The following SRFBP1 variants were observed in gnomAD, a reference collection of about 807,000 sequenced individuals.
The protein encoded by SRFBP1 is serum response factor-binding protein 1.
Under a neutral mutation model 45.5 loss-of-function variants are expected in SRFBP1, and 47 were observed. The ratio of observed to expected loss-of-function variants is 1.03; its 90% confidence interval spans 0.82 to 1.32. The LOEUF (loss-of-function observed/expected upper bound fraction) is 1.32, where lower values mean the gene tolerates loss of function less well. SRFBP1 is among the 40% of genes most tolerant of loss of function. The probability of loss-of-function intolerance (pLI) is 0.00; values close to 1 mark genes in which losing one functional copy is unlikely to be tolerated. For missense variants in SRFBP1, 621 were observed against 484.6 expected, an observed-to-expected ratio of 1.28 and a Z score of -2.64; for synonymous variants, 203 against 166.3, an observed-to-expected ratio of 1.22 and a Z score of -1.70.
At chr5:122,054,842 G>A (rs1360340171) in intron 2 of SRFBP1, among the ~76,000 whole-genome samples, 1 of 152,064 alleles carries the variant, frequency 6.6e-6, no homozygotes, top group Non-Finnish European at 1.5e-5. Context: ...TGAAGAAATA[G>A]AACACACCTT....
At chr5:122,011,860 T>G (rs561873052) in intron 4 of SRFBP1, among the ~76,000 whole-genome samples, 2 of 152,204 alleles carry the variant, frequency 1.3e-5, no homozygotes, top group East Asian at 3.9e-4. Context: ...GGTGCAAATA[T>G]TATCTCAGTG....
chr5:122,028,137 C>G lies in SRFBP1; in HGVS notation c.*1011C>G, dbSNP rs1753526436. 1 of 152,146 alleles carries G rather than the reference C, an allele frequency of 6.6e-6. No homozygotes were observed. Among genetic ancestry groups the G allele is most frequent in the Non-Finnish European group, 1.5e-5 (1 of 68,032 alleles). The allele number at this position is 152,146 out of a possible 1,614,324, so 9.4% of individuals were successfully genotyped here. A position where few individuals can be genotyped will look rare whatever the true frequency, so the allele number is the denominator to read the frequency against. On this transcript the variant is annotated 3_prime_UTR_variant, in exon 8 of 8. Coordinates refer to ENST00000339397, the MANE Select transcript of SRFBP1 (RefSeq NM_152546.3). ...AAAAGGAAAACAGAAATTTTTAAAT[C>G]CCTTCAAATGTTTCACTTTTGCTAT...
chr5:122,073,732 A>G (rs1003498712), intron 2 of SRFBP1, among the ~76,000 whole-genome samples: 4 of 152,196 alleles, frequency 2.6e-5, no homozygotes, highest in South Asian at 4.1e-4. Context: ...AAATACTTCA[A>G]AAGTAATTTG....
At chr5:122,042,831 A>G (rs1753793431) in intron 2 of SRFBP1, among the ~76,000 whole-genome samples, 1 of 152,162 alleles carries the variant, frequency 6.6e-6, no homozygotes, top group Non-Finnish European at 1.5e-5. Flanking sequence ...TTCTTTTGGT[A>G]TTAACCTTTA....
chr5:121,993,307 A>G (rs547967405), intron 3 of SRFBP1, among the ~76,000 whole-genome samples: 5 of 152,258 alleles, frequency 3.3e-5, no homozygotes, highest in South Asian at 4.1e-4. Flanking sequence ...AAGGGTTATA[A>G]TAACACTCAG....
chr5:122,039,315 G>A (rs1753737642), intron 2 of SRFBP1, among the ~76,000 whole-genome samples: 1 of 152,138 alleles, frequency 6.6e-6, no homozygotes, highest in African/African-American at 2.4e-5. Context: ...TGGACTTTGA[G>A]CTGGTTATAG....
chr5:121,962,763 A>G (rs1324720733), intron 1 of SRFBP1, among the ~76,000 whole-genome samples: 1 of 152,212 alleles, frequency 6.6e-6, no homozygotes, highest in Non-Finnish European at 1.5e-5. Flanking sequence ...CTATTCAACA[A>G]AATAATGTCA....
chr5:122,078,010 G>A (rs1467602819), downstream of SRFBP1: 3 of 1,438,912 alleles, frequency 2.1e-6, no homozygotes, highest in African/African-American at 4.5e-5. Flanking sequence ...GATTGACCCC[G>A]CTCGAGGAGG....
At chr5:122,042,815 T>C (rs1220384106) in intron 2 of SRFBP1, among the ~76,000 whole-genome samples, 1 of 152,186 alleles carries the variant, frequency 6.6e-6, no homozygotes, top group African/African-American at 2.4e-5. Flanking sequence ...TCTGCTATTT[T>C]AGAATTTCTT....
At chr5:122,072,300 G>A (rs986497092) in intron 2 of SRFBP1, among the ~76,000 whole-genome samples, 2 of 152,130 alleles carry the variant, frequency 1.3e-5, no homozygotes, top group Non-Finnish European at 2.9e-5. Flanking sequence ...AAGCAAAAAC[G>A]AGTTACTAAG....
rs1276082609 is a variant in SRFBP1 at position 122,074,175 on chromosome 5, G to T, written n.312-1140G>T. On this transcript the variant is annotated intron_variant and non_coding_transcript_variant, in intron 2 of 2. Coordinates refer to the SRFBP1 transcript ENST00000504881. Reference sequence around the variant, plus strand: ...CATCCATACTGTGGTAATGTCTGATGTCCCACAAAACAAAAAGATGGTGGT... The same window carrying T: ...CATCCATACTGTGGTAATGTCTGATTTCCCACAAAACAAAAAGATGGTGGT... 5.0e-6 allele frequency: 8 copies of T among 1,608,896 alleles called. No individual in the cohort carries two copies. In the African/African-American group the frequency reaches 1.1e-4, roughly 21 times the overall value.
chr5:122,024,174 C>G (rs1407998248), intron 7 of SRFBP1, among the ~76,000 whole-genome samples: 4 of 152,206 alleles, frequency 2.6e-5, no homozygotes, highest in African/African-American at 9.6e-5. Context: ...ATACGCTGAT[C>G]TTTTTATTCT....
At chr5:121,985,870 A>G (rs1162096914) in intron 3 of SRFBP1, among the ~76,000 whole-genome samples, 3 of 151,892 alleles carry the variant, frequency 2.0e-5, no homozygotes, top group Admixed American at 6.6e-5. Flanking sequence ...TCATGTTAGT[A>G]GATTATGTAC....
chr5:122,020,840 C>G, intron 6 of SRFBP1, 38 bp downstream of exon 6: 1 of 1,466,914 alleles, frequency 6.8e-7, no homozygotes, highest in Non-Finnish European at 9.1e-7. Flanking sequence ...ATCATTAGTT[C>G]TTTTTTAAAA....
chr5:122,049,727 C>G (rs189052708), intron 2 of SRFBP1, among the ~76,000 whole-genome samples: 2 of 152,166 alleles, frequency 1.3e-5, no homozygotes, highest in African/African-American at 2.4e-5. Flanking sequence ...GAAACTCACT[C>G]AAAACCGCCA....
chr5:122,018,913 T>G (rs922387513), intron 4 of SRFBP1, among the ~76,000 whole-genome samples: 1 of 152,190 alleles, frequency 6.6e-6, no homozygotes, highest in Non-Finnish European at 1.5e-5. Context: ...TAATTTAGTC[T>G]TCTTAATTAG....
chr5:122,046,288 C>T (rs1223758739), intron 2 of SRFBP1, among the ~76,000 whole-genome samples: 1 of 151,800 alleles, frequency 6.6e-6, no homozygotes, highest in Non-Finnish European at 1.5e-5. Flanking sequence ...TGAGTGAGAA[C>T]AGGCGGTGTT....
rs1754414204 is a variant in SRFBP1 at position 122,070,356 on chromosome 5, G to T, written n.312-4959G>T. 4.6e-6 allele frequency: 3 copies of T among 645,252 alleles called. No individual in the cohort carries two copies. In the East Asian group the frequency reaches 8.2e-5, roughly 18 times the overall value. The allele number at this position is 645,252 out of a possible 1,614,324, so 40.0% of individuals were successfully genotyped here. A position where few individuals can be genotyped will look rare whatever the true frequency, so the allele number is the denominator to read the frequency against. On this transcript the variant is annotated intron_variant and non_coding_transcript_variant, in intron 2 of 2. Coordinates refer to the SRFBP1 transcript ENST00000504881. ...AAGTTCTTTAAAATAAGACAGATTA[G>T]ATTAGATTAGATTGTTTATAAATAG... is the stretch of plus-strand genomic sequence containing the variant.
downstream of SRFBP1, chr5:122,078,037 A>G: frequency 7.0e-7 from 1 of 1,420,716 alleles, no homozygotes; most frequent in Non-Finnish European, 9.2e-7. Context: ...CTCACAGAAA[A>G]TAAAAACGGG....
Sources: gnomAD v4.1 joint callset for allele counts (sites outside exome capture counted in the v4.1 genomes callset) on GRCh38, gnomAD v4.1.1 for gene constraint, MANE v1.5 for transcripts, NCBI Gene and HGNC (gene_info 2026-07-23, HGNC 2026-07-21) for gene names.